BAZ2B: variants seen among roughly 807,000 people sequenced by gnomAD.
BAZ2B encodes the protein bromodomain adjacent to zinc finger domain protein 2B.
In BAZ2B, 91 loss-of-function variants were observed where a neutral mutation model predicts 246.0. That is an observed-to-expected ratio of 0.37 (90% confidence interval 0.31 to 0.44). The LOEUF is 0.44. BAZ2B is among the 20% of genes least tolerant of loss of function. The probability of loss-of-function intolerance (pLI) is 1.00; values close to 1 mark genes in which losing one functional copy is unlikely to be tolerated. For synonymous variants in BAZ2B, 855 were observed against 860.0 expected, an observed-to-expected ratio of 0.99 and a Z score of 0.10; for missense variants, 2,332 against 2,533.7, an observed-to-expected ratio of 0.92 and a Z score of 1.71.
chr2:159,689,372 C>CTT, the BAZ2B span: 94 of 165,780 alleles, frequency 5.7e-4, no homozygotes, highest in Middle Eastern at 2.3e-3. Context: ...TTTTACTTTC[C>CTT]TTTTTTTTTT....
intron 2 of BAZ2B, among the ~76,000 whole-genome samples, chr2:159,549,413 G>A (rs182973030): frequency 6.6e-6 from 1 of 152,162 alleles, no homozygotes; most frequent in Admixed American, 6.5e-5. Context: ...TCTAGACCAC[G>A]TGTCTCACTC....
intron 27 of BAZ2B, among the ~76,000 whole-genome samples, chr2:159,365,270 G>A (rs2060103878): frequency 6.6e-6 from 1 of 152,096 alleles, no homozygotes; most frequent in South Asian, 2.1e-4. Flanking sequence ...ATAGCATTCT[G>A]AAAGACAGCT....
chr2:159,341,187 T>G (rs1005038603), intron 31 of BAZ2B, among the ~76,000 whole-genome samples: 5 of 151,758 alleles, frequency 3.3e-5, no homozygotes, highest in Admixed American at 2.6e-4. Flanking sequence ...AAATAGCCCA[T>G]GCAAATGAAA....
At chr2:159,371,023 G>A (rs1388863778) in intron 27 of BAZ2B, among the ~76,000 whole-genome samples, 3 of 151,956 alleles carry the variant, frequency 2.0e-5, no homozygotes, top group African/African-American at 4.8e-5. Flanking sequence ...GGTCAGGCTC[G>A]TCACGAACTC....
At chr2:159,422,902 C>A (rs911870708) in intron 13 of BAZ2B, among the ~76,000 whole-genome samples, 2 of 152,080 alleles carry the variant, frequency 1.3e-5, no homozygotes, top group Admixed American at 1.3e-4. Flanking sequence ...AACAAACACT[C>A]CTGAAAAAAA....
the BAZ2B span, among the ~76,000 whole-genome samples, chr2:159,622,263 CA>C: frequency 9.2e-5 from 6 of 64,988 alleles, no homozygotes; most frequent in South Asian, 5.8e-4. Flanking sequence ...AGTACTGTCT[CA>C]AAAAAAAAAA....
rs753785020 is a variant in BAZ2B at position 159,349,274 on chromosome 2, C to T, written c.4870G>A (p.Gly1624Ser). The T allele has an allele frequency of 2.8e-5, 44 of 1,586,016 alleles. No individual in the cohort carries two copies. In the Admixed American group the frequency reaches 7.3e-4, roughly 26 times the overall value. The change falls in exon 29 of 37, where the codon GGT (glycine) becomes AGT (serine). Residue 1624 changes from glycine (G) to serine (S), a missense_variant. Physicochemically the swap from Gly to Ser is moderately conservative, Grantham distance 56 (BLOSUM62 0). Around this residue, in one of 9 missense-constraint regions of BAZ2B, gnomAD observed 676 missense variants for 668.6 expected, o/e 1.01. Coordinates refer to ENST00000392783, the MANE Select transcript of BAZ2B (RefSeq NM_013450.4). Reference sequence around the variant, plus strand: ...TGAAGTCCCATCATAGATACTCCACCTTTCACCTGCAAAAAGAAAACATTT... The same window carrying T: ...TGAAGTCCCATCATAGATACTCCACTTTTCACCTGCAAAAAGAAAACATTT... The part of the protein sequence containing the change: ...PFALSPLQVK[G>S]GVSMMGLQFC...
intron 13 of BAZ2B, among the ~76,000 whole-genome samples, chr2:159,419,170 A>G (rs998651850): frequency 6.6e-6 from 1 of 152,208 alleles, no homozygotes; most frequent in African/African-American, 2.4e-5. Flanking sequence ...TGTCACACCT[A>G]AAAGCAAATT....
intron 31 of BAZ2B, among the ~76,000 whole-genome samples, chr2:159,344,946 A>G (rs942655629): frequency 1.3e-5 from 2 of 152,326 alleles, no homozygotes; most frequent in Admixed American, 1.3e-4. Flanking sequence ...GCAGTGGCTC[A>G]CACCTGTAAT....
chr2:159,419,099 T>G (rs1004211102), intron 13 of BAZ2B, among the ~76,000 whole-genome samples: 4 of 152,218 alleles, frequency 2.6e-5, no homozygotes, highest in African/African-American at 9.6e-5. Flanking sequence ...CTACCTTTCC[T>G]TTTGAAATTG....
chr2:159,539,561 T>TA (rs1191025673), intron 2 of BAZ2B, among the ~76,000 whole-genome samples: 1 of 152,178 alleles, frequency 6.6e-6, no homozygotes, highest in Non-Finnish European at 1.5e-5. Flanking sequence ...GAGGGATTAT[T>TA]AAAATCAACC....
At chr2:159,452,679 C>T (rs7594416) in intron 4 of BAZ2B, among the ~76,000 whole-genome samples, 140,531 of 152,284 alleles carry the variant, frequency 0.92, 65,871 homozygotes, top group Non-Finnish European at 1. Context: ...AATTGAAGCA[C>T]GTTTGTCGAA....
the BAZ2B span, among the ~76,000 whole-genome samples, chr2:159,682,191 CTTTTTTTTTT>C: frequency 1.8e-5 from 2 of 111,762 alleles, no homozygotes; most frequent in Admixed American, 1.1e-4. Context: ...TGCTCAGGCT[CTTTTTTTTTT>C]TTTTTTTTTT....
chr2:159,438,933 C>G lies in BAZ2B; in HGVS notation c.900+76G>C. On this transcript the variant is annotated intron_variant, in intron 7 of 36. Transcript: ENST00000392783. ...TAATGATTAACTTTAAAACTACAGA[C>G]TTTGAGAGTCAAGATAAACCAGTTA... The G allele has an allele frequency of 2.8e-6, 4 of 1,451,350 alleles. No homozygotes were observed. In the South Asian group the frequency reaches 5.1e-5, roughly 19 times the overall value. The allele number at this position is 1,451,350 out of a possible 1,614,324, so 89.9% of individuals were successfully genotyped here.
chr2:159,345,200 A>C (rs947504750), intron 31 of BAZ2B, among the ~76,000 whole-genome samples: 2 of 142,014 alleles, frequency 1.4e-5, no homozygotes, highest in African/African-American at 5.2e-5. Flanking sequence ...AACAAAAGTG[A>C]AACTTGGTCT....
intron 1 of BAZ2B, among the ~76,000 whole-genome samples, chr2:159,576,076 TCC>T (rs1685216601): frequency 1.3e-5 from 2 of 152,162 alleles, no homozygotes; most frequent in African/African-American, 2.4e-5. Flanking sequence ...ATAAATTAGC[TCC>T]ACAATGTTAT....
At chr2:159,372,929 T>C in intron 27 of BAZ2B, 116 bp downstream of exon 27, 1 of 1,224,232 alleles carries the variant, frequency 8.2e-7, no homozygotes, top group Non-Finnish European at 1.1e-6. Context: ...AGAATTAAGG[T>C]TTTACATGTT....
chr2:159,428,242 C>A, intron 12 of BAZ2B, 69 bp downstream of exon 12: 1 of 1,348,858 alleles, frequency 7.4e-7, no homozygotes. Context: ...GAAAGGAGTA[C>A]ACTTTTTTTT....
intron 1 of BAZ2B, among the ~76,000 whole-genome samples, chr2:159,590,738 AG>A (rs1215155814): frequency 6.6e-6 from 1 of 152,210 alleles, no homozygotes; most frequent in Non-Finnish European, 1.5e-5. Flanking sequence ...CTAATTGCAA[AG>A]ATGGGGGTGG....
Sources: gnomAD v4.1 joint callset for allele counts (sites outside exome capture counted in the v4.1 genomes callset) on GRCh38, gnomAD v4.1.1 for gene constraint, gnomAD v4.1.1 regional missense constraint, MANE v1.5 for transcripts, NCBI Gene and HGNC (gene_info 2026-07-23, HGNC 2026-07-21) for gene names.